The following INTS8 variants were observed in gnomAD, a reference collection of about 807,000 sequenced individuals.
The protein encoded by INTS8 is protein kaonashi-1.
INTS8 carries 47 observed loss-of-function variants against 138.9 expected under a neutral mutation model. The observed-to-expected ratio is 0.34, with a 90% CI of 0.27 to 0.43. The LOEUF (loss-of-function observed/expected upper bound fraction) is 0.43. Among genes scored for constraint, INTS8 ranks in the 20% least tolerant of loss-of-function variants. INTS8 has a pLI of 1.00. For missense variants in INTS8, 996 were observed against 1,173.0 expected, an observed-to-expected ratio of 0.85 and a Z score of 2.20; for synonymous variants, 392 against 400.9, an observed-to-expected ratio of 0.98 and a Z score of 0.27.
At chr8:94,877,063 A>G (rs1251642081) in intron 26 of INTS8, among the ~76,000 whole-genome samples, 1 of 152,080 alleles carries the variant, frequency 6.6e-6, no homozygotes, top group Non-Finnish European at 1.5e-5. Context: ...CATACTGTAT[A>G]TTTTCCTAAT....
At chr8:94,857,739 A>G (rs1408833221) in intron 15 of INTS8, among the ~76,000 whole-genome samples, 2 of 152,186 alleles carry the variant, frequency 1.3e-5, no homozygotes, top group Non-Finnish European at 2.9e-5. Context: ...TCTTCTTACA[A>G]GGACACCAGT....
At chr8:94,839,101 A>T (rs1397473989) in intron 8 of INTS8, among the ~76,000 whole-genome samples, 3 of 152,288 alleles carry the variant, frequency 2.0e-5, no homozygotes, top group Admixed American at 1.3e-4. Flanking sequence ...CCTTCCAAAT[A>T]GTAAGACTGA....
chr8:94,881,600 T>G lies in INTS8; in HGVS notation c.*1366T>G. 1 of 1,608,852 alleles carries G rather than the reference T, an allele frequency of 6.2e-7. No individual in the cohort carries two copies. Among genetic ancestry groups the G allele is most frequent in the South Asian group, 1.1e-5 (1 of 90,626 alleles). ...TGATACCAGTTCTACCCAATCTTGG[T>G]GAATTCCAACTTGTTTGCTTAGTTA... is the stretch of plus-strand genomic sequence containing the variant. On this transcript the variant is annotated 3_prime_UTR_variant, in exon 27 of 27. Coordinates refer to ENST00000523731, the MANE Select transcript of INTS8 (RefSeq NM_017864.4).
chr8:94,873,620 A>C (rs1816478988), intron 22 of INTS8, 143 bp downstream of exon 22: 1 of 628,328 alleles, frequency 1.6e-6, no homozygotes, highest in African/African-American at 1.8e-5. Context: ...TGCTCTGTGT[A>C]TTTTCATTGT....
At position 94,856,908 on chromosome 8, in the gene INTS8, G is replaced by C. The variant is rs1315980273; in HGVS notation, c.1884G>C (p.Gly628=). The change falls in exon 15 of 27, where the codon GGG becomes GGC. Residue 628 remains glycine (G), a synonymous_variant. Transcript: ENST00000523731. ...TTCATACACACGAAGCTGGGACAGG[G>C]CAGGCAGGAGAGAGACCGCCATCCG... is the stretch of plus-strand genomic sequence containing the variant. ...LDIHTHEAGT[G]QAGERPPSDL... 5.6e-6 allele frequency: 9 copies of C among 1,614,000 alleles called. No homozygotes were observed. Among genetic ancestry groups the C allele is most frequent in the Non-Finnish European group, 7.6e-6 (9 of 1,180,034 alleles).
At chr8:94,830,307 T>A (rs1814664888) in intron 5 of INTS8, among the ~76,000 whole-genome samples, 1 of 152,234 alleles carries the variant, frequency 6.6e-6, no homozygotes, top group Non-Finnish European at 1.5e-5. Flanking sequence ...TATTACCATG[T>A]GAGGTGTAGG....
rs915237699 is a variant in INTS8 at position 94,880,200 on chromosome 8, A to G, written c.2954A>G (p.Lys985Arg). Residue 985 changes from lysine to arginine, a missense_variant, in exon 27 of 27, where the codon AAG (lysine) becomes AGG (arginine). Physicochemically the swap from Lys to Arg is conservative, Grantham distance 26 (BLOSUM62 2). Transcript: ENST00000523731. The stretch of plus-strand genomic sequence containing the variant: ...CTGGCAGCGCAGAGAAGGAAAAAAA[A>G]GTTTCTCCAAGCAATGGCAAAACTT... ...LQLAAQRRKK[K>R]FLQAMAKLYF is the part of the protein sequence containing the mutation. 1 of 1,609,104 alleles carries G rather than the reference A, an allele frequency of 6.2e-7. No homozygotes were observed. The highest frequency in any genetic ancestry group is 1.3e-5 in the African/African-American group (1 of 74,534).
At chr8:94,873,564 C>T in intron 22 of INTS8, 87 bp downstream of exon 22, 1 of 789,042 alleles carries the variant, frequency 1.3e-6, no homozygotes. Flanking sequence ...TACCCATTTC[C>T]TTGTAATGTG....
intron 16 of INTS8, chr8:94,860,015 TA>T (rs1470475154): frequency 6.3e-6 from 1 of 158,228 alleles, no homozygotes; most frequent in African/African-American, 2.4e-5. Context: ...TTTAGAATTT[TA>T]TCCTTCTAAG....
Position 94,838,621 on chromosome 8 carries a change from A to G in INTS8, c.1017+3A>G. On this transcript the variant is annotated splice_donor_region_variant and intron_variant, in intron 8 of 26. Transcript: ENST00000523731. ...GTTTGAGATCTGGCAACTATCAGGTAAGGTGTATGAGGGGGATGCAGTGAA... is the reference window on the plus strand; with the variant it reads ...GTTTGAGATCTGGCAACTATCAGGTGAGGTGTATGAGGGGGATGCAGTGAA... 1 of 1,610,624 alleles carries G rather than the reference A, an allele frequency of 6.2e-7. No individual in the cohort carries two copies. The highest frequency in any genetic ancestry group is 8.5e-7 in the Non-Finnish European group (1 of 1,177,298).
chr8:94,866,129 A>C (rs779875640), intron 17 of INTS8, 29 bp from the exon 18 acceptor site: 1 of 929,092 alleles, frequency 1.1e-6, no homozygotes, highest in Non-Finnish European at 1.7e-6. Context: ...CTAATATTAA[A>C]TGTGTATTCA....
chr8:94,827,529 G>A, intron 3 of INTS8, 126 bp downstream of exon 3: 1 of 1,207,308 alleles, frequency 8.3e-7, no homozygotes, highest in South Asian at 1.4e-5. Flanking sequence ...GGAACTGTGA[G>A]TCTAATGGTG....
intron 6 of INTS8, among the ~76,000 whole-genome samples, chr8:94,834,472 C>T (rs1295665713): frequency 1.3e-5 from 2 of 151,354 alleles, no homozygotes; most frequent in Admixed American, 6.6e-5. Context: ...CCAAGGGAGG[C>T]CAAGATGAGC....
At chr8:94,869,588 G>A (rs1212623410) in intron 20 of INTS8, among the ~76,000 whole-genome samples, 1 of 152,070 alleles carries the variant, frequency 6.6e-6, no homozygotes, top group Non-Finnish European at 1.5e-5. Flanking sequence ...CGCCTCCCGG[G>A]TTCAAGCAAT....
Position 94,871,868 on chromosome 8 carries a change from G to A in INTS8, c.2415-16G>A, listed in dbSNP as rs756491867. On this transcript the variant is annotated splice_polypyrimidine_tract_variant and intron_variant, in intron 20 of 26. Transcript: ENST00000523731. ...CTTTTAAAATAGAGATTAATGTTGT[G>A]TGTCTTTCCTTTTAGCCTCCAGTCT... 2 of 1,330,478 alleles carry A rather than the reference G, an allele frequency of 1.5e-6. No homozygotes were observed. The highest frequency in any genetic ancestry group is 1.1e-6 in the Non-Finnish European group (1 of 928,512). 82.4% of individuals were successfully genotyped at this position (1,330,478 alleles called of 1,614,324 possible).
At chr8:94,831,778 C>G (rs1403755509) in intron 5 of INTS8, among the ~76,000 whole-genome samples, 3 of 152,140 alleles carry the variant, frequency 2.0e-5, no homozygotes, top group Admixed American at 1.3e-4. Context: ...CCATGCCTGG[C>G]CCTCCTGTTT....
At chr8:94,864,317 C>T (rs73271148) in intron 16 of INTS8, among the ~76,000 whole-genome samples, 23,808 of 151,996 alleles carry the variant, frequency 0.16, 2,019 homozygotes, top group Middle Eastern at 0.26. Flanking sequence ...AAGTAGAAAC[C>T]AGGGGTTCCT....
At chr8:94,838,422 A>G (rs1815013350) in intron 7 of INTS8, 41 bp from the exon 8 acceptor site, 2 of 1,508,086 alleles carry the variant, frequency 1.3e-6, no homozygotes, top group Middle Eastern at 3.9e-4. Context: ...TATTGTTTAT[A>G]TTACATGAAT....
intron 16 of INTS8, chr8:94,864,572 G>A (rs1223598431): frequency 6.6e-6 from 1 of 152,240 alleles, no homozygotes; most frequent in African/African-American, 2.4e-5. Context: ...GCCGGGCATG[G>A]TGACACATGC....
Sources: gnomAD v4.1 joint callset for allele counts (sites outside exome capture counted in the v4.1 genomes callset) on GRCh38, gnomAD v4.1.1 for gene constraint, MANE v1.5 for transcripts, NCBI Gene and HGNC (gene_info 2026-07-23, HGNC 2026-07-21) for gene names.